Variants in STARD4 observed in about 807,000 individuals in gnomAD.
STARD4 encodes StAR related lipid transfer domain containing 4, also known as stAR-related lipid transfer protein 4.
Under a neutral mutation model 24.9 loss-of-function variants are expected in STARD4, and 33 were observed. The observed-to-expected ratio is 1.32, with a 90% CI of 1.00 to 1.77. The LOEUF is 1.77. Ranked by LOEUF, STARD4 falls within the 40% of genes most tolerant of loss-of-function variation. The pLI is 0.00. For synonymous variants in STARD4, 88 were observed against 77.4 expected (o/e 1.14, Z -0.72); for missense variants, 238 against 249.3 (o/e 0.95, Z 0.31).
chr5:111,505,919 C>T (rs1379597593), intron 3 of STARD4, among the ~76,000 whole-genome samples: 3 of 151,846 alleles, frequency 2.0e-5, no homozygotes, highest in African/African-American at 2.4e-5. Flanking sequence ...AAAAAAAAAT[C>T]GCCAGGTGTG....
intron 1 of STARD4, among the ~76,000 whole-genome samples, chr5:111,511,359 A>G (rs1409535613): frequency 4.6e-5 from 7 of 152,190 alleles, no homozygotes; most frequent in Admixed American, 3.9e-4. Context: ...CACTTACTAC[A>G]TGGTCAGTCC....
chr5:111,502,216 C>T, intron 3 of STARD4, 128 bp from the exon 4 acceptor site: 1 of 1,091,676 alleles, frequency 9.2e-7, no homozygotes, highest in Non-Finnish European at 1.3e-6. Context: ...TGTCTGTAAT[C>T]CCAGCATTCT....
chr5:111,508,845 T>C (rs1279345365), intron 1 of STARD4, among the ~76,000 whole-genome samples: 2 of 152,060 alleles, frequency 1.3e-5, no homozygotes, highest in Non-Finnish European at 2.9e-5. Context: ...AAAATTAAAG[T>C]GACAGAAATA....
Position 111,507,515 on chromosome 5 carries a change from G to T in STARD4, c.-9-73C>A. 1 of 1,105,798 alleles carries T rather than the reference G, an allele frequency of 9.0e-7. No individual in the cohort carries two copies. Among genetic ancestry groups the T allele is most frequent in the Non-Finnish European group, 1.3e-6 (1 of 755,760 alleles). 68.5% of individuals were successfully genotyped at this position (1,105,798 alleles called of 1,614,324 possible). A position where few individuals can be genotyped will look rare whatever the true frequency, so the allele number is the denominator to read the frequency against. ...CAATAGGCCAGTGGGTCTCGAATCT[G>T]GTTTCACAATATAATAACCTACCAG... is the stretch of plus-strand genomic sequence containing the variant. On this transcript the variant is annotated intron_variant, in intron 1 of 5. Coordinates refer to ENST00000296632, the MANE Select transcript of STARD4 (RefSeq NM_139164.3). The surrounding 1 kb of genome is among the most constrained non-coding windows in gnomAD (Gnocchi z 4.4).
chr5:111,506,588 C>A (rs1756882191), intron 2 of STARD4, among the ~76,000 whole-genome samples: 1 of 152,120 alleles, frequency 6.6e-6, no homozygotes, highest in Non-Finnish European at 1.5e-5. Context: ...ACTTAAATTA[C>A]AGACCTCCAA....
At chr5:111,511,536 A>T (rs1757284077) in intron 1 of STARD4, among the ~76,000 whole-genome samples, 1 of 152,220 alleles carries the variant, frequency 6.6e-6, no homozygotes, top group South Asian at 2.1e-4. Flanking sequence ...CATAAGTGAG[A>T]ATAGTAGCTT....
rs1756131927 is a variant in STARD4 at position 111,496,966 on chromosome 5, A to C, written c.*2920T>G. The C allele has an allele frequency of 6.6e-6, 1 of 152,002 alleles. No homozygotes were observed. The highest frequency in any genetic ancestry group is 6.6e-5 in the Admixed American group (1 of 15,236). 9.4% of individuals were successfully genotyped at this position (152,002 alleles called of 1,614,324 possible). The stretch of plus-strand genomic sequence containing the variant: ...TTTTTTGAGTACTGTTTTAAACTTT[A>C]AGGGTTAACTAAGAGTTATCAACAC... On this transcript the variant is annotated 3_prime_UTR_variant, in exon 6 of 6. Transcript: ENST00000296632.
Position 111,499,991 on chromosome 5 carries a change from T to A in STARD4, c.513A>T (p.Gly171=). The A allele has an allele frequency of 6.2e-7, 1 of 1,614,120 alleles. No individual in the cohort carries two copies. The change falls in exon 6 of 6, where the codon GGA becomes GGT. Residue 171 remains glycine (G), a synonymous_variant. Transcript: ENST00000296632. ...KDNPNQSLLT[G]YIQTDLRGMI... is the part of the protein sequence containing the mutation. ...TCCCACGCAGATCTGTCTGAATATA[T>A]CCTGTCAAAAGACTCTGGTTTGGGT...
chr5:111,505,908 T>TA (rs907529807), intron 3 of STARD4, among the ~76,000 whole-genome samples: 3 of 150,864 alleles, frequency 2.0e-5, no homozygotes, highest in East Asian at 1.9e-4. Context: ...TCCGGAAAGT[T>TA]AAAAAAAAAT....
At chr5:111,506,502 A>G (rs1756875736) in intron 2 of STARD4, 123 bp from the exon 3 acceptor site, 1 of 432,382 alleles carries the variant, frequency 2.3e-6, no homozygotes, top group Non-Finnish European at 4.2e-6. Flanking sequence ...ACATTTTCAG[A>G]ATACATAAAA....
intron 2 of STARD4, among the ~76,000 whole-genome samples, chr5:111,506,699 C>T (rs914638159): frequency 5.3e-5 from 8 of 152,192 alleles, no homozygotes; most frequent in Non-Finnish European, 1.0e-4. Flanking sequence ...CTGATGCATT[C>T]AGACTCTAAC....
At chr5:111,503,095 A>G (rs1253514952) in intron 3 of STARD4, among the ~76,000 whole-genome samples, 1 of 152,170 alleles carries the variant, frequency 6.6e-6, no homozygotes, top group African/African-American at 2.4e-5. Flanking sequence ...TGACTTTTTA[A>G]AACTTTTTAT....
chr5:111,509,994 C>A (rs947009134), intron 1 of STARD4, among the ~76,000 whole-genome samples: 1 of 152,048 alleles, frequency 6.6e-6, no homozygotes, highest in South Asian at 2.1e-4. Flanking sequence ...ACAGAAATAA[C>A]AACAACAAAA....
At chr5:111,508,725 A>G (rs1277012297) in intron 1 of STARD4, among the ~76,000 whole-genome samples, 1 of 152,134 alleles carries the variant, frequency 6.6e-6, no homozygotes, top group Non-Finnish European at 1.5e-5. Flanking sequence ...AGTGCCAAAT[A>G]GTCTAATTCA....
chr5:111,507,563 C>T lies in STARD4; in HGVS notation c.-9-121G>A. On this transcript the variant is annotated intron_variant, in intron 1 of 5. Coordinates refer to ENST00000296632, the MANE Select transcript of STARD4 (RefSeq NM_139164.3). The surrounding 1 kb of genome is among the most constrained non-coding windows in gnomAD (Gnocchi z 4.4). ...CAGAGCTATAAAAGATAGCTACCCT[C>T]ACCCCAAATCAACTAATCATAATCT... 1 of 611,992 alleles carries T rather than the reference C, an allele frequency of 1.6e-6. No homozygotes were observed. Among genetic ancestry groups the T allele is most frequent in the Non-Finnish European group, 2.7e-6 (1 of 369,660 alleles). 37.9% of individuals were successfully genotyped at this position (611,992 alleles called of 1,614,324 possible).
chr5:111,509,674 C>T (rs1362500803), intron 1 of STARD4, among the ~76,000 whole-genome samples: 1 of 151,976 alleles, frequency 6.6e-6, no homozygotes, highest in African/African-American at 2.4e-5. Context: ...CTGGCTTGTT[C>T]AATATTAATT....
At chr5:111,501,196 A>G in intron 4 of STARD4, 80 bp from the exon 5 acceptor site, 1 of 1,347,680 alleles carries the variant, frequency 7.4e-7, no homozygotes, top group South Asian at 1.7e-5. Flanking sequence ...TATCTCTGGA[A>G]AGAAACTAAT....
chr5:111,507,372 T>C lies in STARD4; in HGVS notation c.62A>G (p.Tyr21Cys). 2 of 1,613,756 alleles carry C rather than the reference T, an allele frequency of 1.2e-6. No individual in the cohort carries two copies. Among genetic ancestry groups the C allele is most frequent in the Non-Finnish European group, 8.5e-7 (1 of 1,179,826 alleles). Residue 21 changes from tyrosine to cysteine, a missense_variant, in exon 2 of 6, where the codon TAC becomes TGC. Physicochemically the swap from Tyr to Cys is radical, Grantham distance 194. Transcript: ENST00000296632. This position sits in a 1 kb window ranked among gnomAD's most constrained non-coding sequence, Gnocchi z 4.4. ...ATKLKNTLIQ[Y>C]HSIEEDKWRV... Reference sequence around the variant, plus strand: ...CCACTTATCTTCTTCAATGCTATGGTACTGGATGAGAGTGTTTTTAAGTTT... The same window carrying C: ...CCACTTATCTTCTTCAATGCTATGGCACTGGATGAGAGTGTTTTTAAGTTT...
intron 2 of STARD4, among the ~76,000 whole-genome samples, chr5:111,506,641 G>A (rs1343247531): frequency 1.3e-5 from 2 of 152,154 alleles, no homozygotes; most frequent in African/African-American, 4.8e-5. Flanking sequence ...AACACTGTAA[G>A]ATTCAATGAT....
Sources: gnomAD v4.1 joint callset for allele counts (sites outside exome capture counted in the v4.1 genomes callset) on GRCh38, gnomAD v4.1.1 for gene constraint, Gnocchi (gnomAD v3.1) non-coding constraint, MANE v1.5 for transcripts, NCBI Gene and HGNC (gene_info 2026-07-23, HGNC 2026-07-21) for gene names.